SH2D3A: variants seen among roughly 807,000 people sequenced by gnomAD.
The protein encoded by SH2D3A is SH2 domain containing 3A.
Under a neutral mutation model 50.6 loss-of-function variants are expected in SH2D3A, and 46 were observed. That is an observed-to-expected ratio of 0.91 (90% CI 0.72 to 1.16). The LOEUF is 1.16. Among genes scored for constraint, SH2D3A ranks in the 50% most tolerant of loss-of-function variants. The pLI is 0.00. For synonymous variants in SH2D3A, 377 were observed against 348.4 expected (o/e 1.08, Z -0.91); for missense variants, 783 against 786.2 (o/e 1.00, Z 0.05).
chr19:6,760,092 T>C (rs191966103), intron 3 of SH2D3A, among the ~76,000 whole-genome samples: 4,960 of 151,114 alleles, frequency 0.033, 266 homozygotes, highest in African/African-American at 0.11. Flanking sequence ...TACAAAAAAT[T>C]AGCCAGGCGT....
intron 1 of SH2D3A, among the ~76,000 whole-genome samples, chr19:6,764,872 ATTTTTT>A (rs55670461): frequency 6.8e-5 from 7 of 103,128 alleles, no homozygotes; most frequent in African/African-American, 2.6e-4. Context: ...TACCTGGCTA[ATTTTTT>A]TTTTTTTTTT....
intron 4 of SH2D3A, among the ~76,000 whole-genome samples, chr19:6,756,087 TA>T (rs1969652553): frequency 6.7e-6 from 1 of 149,508 alleles, no homozygotes; most frequent in South Asian, 2.1e-4. Flanking sequence ...AAAAAAAAGA[TA>T]TCTATCTATC....
At chr19:6,764,793 C>T (rs188877797) in intron 1 of SH2D3A, among the ~76,000 whole-genome samples, 1 of 151,466 alleles carries the variant, frequency 6.6e-6, no homozygotes, top group African/African-American at 2.4e-5. Context: ...GCGGCCTTGA[C>T]CTCCTGGGCT....
In SH2D3A at chr19:6,754,707, T is replaced by C. The variant is rs1289145436; in HGVS notation, c.1006A>G (p.Arg336Gly). 2 of 1,613,940 alleles carry C rather than the reference T, an allele frequency of 1.2e-6. No individual in the cohort carries two copies. Among genetic ancestry groups the C allele is most frequent in the African/African-American group, 1.3e-5 (1 of 74,928 alleles). Reference protein sequence around the residue: ...CQATGLLGVTRDQRGNMGVSS... With the variant: ...CQATGLLGVTGDQRGNMGVSS... ...ACTCCCATGTTGCCCCGCTGATCTC[T>C]GGTCACTCCCAGGAGGCCTGTGGCC... Residue 336 changes from arginine to glycine, a missense_variant, in exon 6 of 10, where the codon AGA becomes GGA. Physicochemically the swap from Arg to Gly is moderately radical, Grantham distance 125 (BLOSUM62 -2). Transcript: ENST00000245908.
At position 6,752,647 on chromosome 19, in the gene SH2D3A, C is replaced by T. The variant is rs1391671732; in HGVS notation, c.1677G>A (p.Glu559=). ...GGACGCCGAGGACGCGCTGGAACTT[C>T]TCAAAGCGTTCAGCGCGCGGAGCTC... ...GAGAPRAERF[E]KFQRVLGVLS... is the part of the protein sequence containing the mutation. Residue 559 remains glutamate (E), a synonymous_variant, in exon 10 of 10, where the codon GAG becomes GAA. Coordinates refer to ENST00000245908, the MANE Select transcript of SH2D3A (RefSeq NM_005490.3). The T allele has an allele frequency of 1.8e-5, 28 of 1,559,604 alleles. No individual in the cohort carries two copies. The highest frequency in any genetic ancestry group is 2.7e-5 in the African/African-American group (2 of 73,604).
Position 6,752,449 on chromosome 19 carries a change from C to T in SH2D3A, c.*144G>A. ...CACATGTTCACCATGGTCCAGGTGACCCTGACTGCGGTCCCCACCTCTTCT... is the reference window on the plus strand; with the variant it reads ...CACATGTTCACCATGGTCCAGGTGATCCTGACTGCGGTCCCCACCTCTTCT... On this transcript the variant is annotated 3_prime_UTR_variant, in exon 10 of 10. Coordinates refer to ENST00000245908, the MANE Select transcript of SH2D3A (RefSeq NM_005490.3). The T allele has an allele frequency of 1.5e-6, 1 of 676,216 alleles. No individual in the cohort carries two copies. Among genetic ancestry groups the T allele is most frequent in the Non-Finnish European group, 2.2e-6 (1 of 457,814 alleles). The allele number at this position is 676,216 out of a possible 1,614,324, so 41.9% of individuals were successfully genotyped here.
At chr19:6,759,301 T>C in intron 4 of SH2D3A, 1 of 290,004 alleles carries the variant, frequency 3.4e-6, no homozygotes, top group South Asian at 3.3e-5. Context: ...TTAGTGGAGA[T>C]GGGGTTTCAC....
In SH2D3A at chr19:6,755,034, C is replaced by A. The variant is rs1285963321; in HGVS notation, c.778G>T (p.Ala260Ser). The stretch of plus-strand genomic sequence containing the variant: ...TTCTCTTCCTCCTCATCCTCCTCGG[C>A]CTCCCACCATGGGGCCTCTGGCTCT... ...CPEPEAPWWE[A>S]EEDEEEENRC... Residue 260 changes from alanine (A) to serine (S), a missense_variant, in exon 5 of 10, where the codon GCC becomes TCC. Physicochemically the swap from Ala to Ser is moderately conservative, Grantham distance 99. Transcript: ENST00000245908. 6.2e-7 allele frequency: 1 copy of A among 1,614,034 alleles called. No individual in the cohort carries two copies. The highest frequency in any genetic ancestry group is 2.2e-5 in the East Asian group (1 of 44,880).
intron 2 of SH2D3A, among the ~76,000 whole-genome samples, chr19:6,762,391 G>T (rs1970072303): frequency 6.6e-6 from 1 of 151,556 alleles, no homozygotes; most frequent in African/African-American, 2.4e-5. Context: ...CATCATATAG[G>T]TCAGGCTGGT....
At chr19:6,752,782 C>A in intron 9 of SH2D3A, 29 bp from the exon 10 acceptor site, 2 of 1,497,158 alleles carry the variant, frequency 1.3e-6, no homozygotes, top group Non-Finnish European at 1.8e-6. Context: ...GGGCTGGGGG[C>A]GGGGCCCAGG....
rs755804645 is a variant in SH2D3A at position 6,760,712 on chromosome 19, A to C, written c.345T>G (p.Thr115=). 6.2e-7 allele frequency: 1 copy of C among 1,613,638 alleles called. No homozygotes were observed. The highest frequency in any genetic ancestry group is 1.1e-5 in the South Asian group (1 of 91,070). Reference sequence around the variant, plus strand: ...AGCTGCGTCGCAGAGGCCCCTGCCAAGTCACAGGCCTGGAGACCACAGCCC... The same window carrying C: ...AGCTGCGTCGCAGAGGCCCCTGCCACGTCACAGGCCTGGAGACCACAGCCC... The part of the protein sequence containing the change: ...ATGAVVSRPV[T]WQGPLRRSFS... The change falls in exon 3 of 10, where the codon ACT becomes ACG. Residue 115 remains threonine, a synonymous_variant. Transcript: ENST00000245908.
In SH2D3A at chr19:6,753,450, G is replaced by A. The variant is rs376833079; in HGVS notation, c.1570+6C>T. On this transcript the variant is annotated splice_donor_region_variant and intron_variant, in intron 9 of 9. Coordinates refer to ENST00000245908, the MANE Select transcript of SH2D3A (RefSeq NM_005490.3). ...GTCTGCAGTCCAGCGCAGAGGGAAC[G>A]CTCACCTCGCAGGCGCTGGGCTGCC... 2.7e-6 allele frequency: 4 copies of A among 1,496,052 alleles called. No homozygotes were observed. The highest frequency in any genetic ancestry group is 9.0e-7 in the Non-Finnish European group (1 of 1,115,860). The allele number at this position is 1,496,052 out of a possible 1,614,324, so 92.7% of individuals were successfully genotyped here.
rs776187036 is a variant in SH2D3A, at chr19:6,763,680, C to T, written c.69G>A (p.Gln23=). 1 of 1,612,134 alleles carries T rather than the reference C, an allele frequency of 6.2e-7. No homozygotes were observed. Among genetic ancestry groups the T allele is most frequent in the Non-Finnish European group, 8.5e-7 (1 of 1,179,492 alleles). The change falls in exon 2 of 10, where the codon CAG becomes CAA. Residue 23 remains glutamine, a splice_region_variant and synonymous_variant. Transcript: ENST00000245908. ...GCTGAGGTCCTGCTGTGGGTGGTAC[C>T]TGGCGGGACAGGAGGCCGTGGTACC... ...QPWYHGLLSR[Q]KAEALLQQNG... is the part of the protein sequence containing the mutation.
intron 9 of SH2D3A, 90 bp from the exon 10 acceptor site, chr19:6,752,843 C>G (rs184681944): frequency 7.7e-4 from 1,101 of 1,429,866 alleles, no homozygotes; most frequent in Non-Finnish European, 9.3e-4. Context: ...CCCCAGAGGA[C>G]TTTGACCCAA....
chr19:6,763,675 G>A lies in SH2D3A; in HGVS notation c.69+5C>T. The A allele has an allele frequency of 1.2e-6, 2 of 1,611,798 alleles. No homozygotes were observed. The highest frequency in any genetic ancestry group is 1.7e-6 in the Non-Finnish European group (2 of 1,179,326). ...ATGGTGCTGAGGTCCTGCTGTGGGT[G>A]GTACCTGGCGGGACAGGAGGCCGTG... is the stretch of plus-strand genomic sequence containing the variant. On this transcript the variant is annotated splice_donor_5th_base_variant and intron_variant, in intron 2 of 9. Coordinates refer to ENST00000245908, the MANE Select transcript of SH2D3A (RefSeq NM_005490.3).
chr19:6,766,935 C>A (rs1367649485), intron 1 of SH2D3A, among the ~76,000 whole-genome samples: 1 of 152,052 alleles, frequency 6.6e-6, no homozygotes, highest in Admixed American at 6.6e-5. Context: ...AGGGTAAAGG[C>A]CTGGAGCTGA....
chr19:6,759,937 C>T (rs916357709), intron 3 of SH2D3A, among the ~76,000 whole-genome samples: 3 of 152,184 alleles, frequency 2.0e-5, no homozygotes, highest in South Asian at 4.2e-4. Flanking sequence ...TAAGAATGTT[C>T]GGGCCTCAAA....
At position 6,754,899 on chromosome 19, in the gene SH2D3A, G is replaced by A. The variant is rs1969562545; in HGVS notation, c.913C>T (p.Leu305Phe). The A allele has an allele frequency of 6.2e-7, 1 of 1,607,416 alleles. No individual in the cohort carries two copies. The change falls in exon 5 of 10, where the codon CTC becomes TTC. Residue 305 changes from leucine to phenylalanine, a missense_variant. Physicochemically the swap from Leu to Phe is conservative, Grantham distance 22. Transcript: ENST00000245908. Reference protein sequence around the residue: ...RPLEPQVLHTLRGLFLEHHPG... With the variant: ...RPLEPQVLHTFRGLFLEHHPG... ...TGGTGCTCCAGGAACAGGCCACGGA[G>A]GGTATGCAGGACTTGGGGTTCCAGG...
At chr19:6,759,539 G>C in intron 4 of SH2D3A, 55 bp downstream of exon 4, 1 of 1,523,074 alleles carries the variant, frequency 6.6e-7, no homozygotes, top group Non-Finnish European at 9.1e-7. Flanking sequence ...GATCTCTTAG[G>C]TGGTGAGTGG....
Sources: gnomAD v4.1 joint callset for allele counts (sites outside exome capture counted in the v4.1 genomes callset) on GRCh38, gnomAD v4.1.1 for gene constraint, MANE v1.5 for transcripts, NCBI Gene and HGNC (gene_info 2026-07-23, HGNC 2026-07-21) for gene names.